GPHN: variants seen among roughly 807,000 people sequenced by gnomAD.
GPHN encodes gephyrin.
Under a neutral mutation model 95.5 loss-of-function variants are expected in GPHN, and 17 were observed. The ratio of observed to expected loss-of-function variants is 0.18; its 90% CI spans 0.12 to 0.27. GPHN has a LOEUF of 0.27. GPHN is among the 10% of genes least tolerant of loss of function. The probability of loss-of-function intolerance (pLI) is 1.00; values close to 1 mark genes in which losing one functional copy is unlikely to be tolerated. For synonymous variants in GPHN, 320 were observed against 322.5 expected (o/e 0.99, Z 0.08); for missense variants, 660 against 978.1 (o/e 0.67, Z 4.34).
chr14:66,852,945 A>G (rs1479388102), intron 4 of GPHN, among the ~76,000 whole-genome samples: 1 of 152,222 alleles, frequency 6.6e-6, no homozygotes, highest in Non-Finnish European at 1.5e-5. Context: ...TAAAAGCTCT[A>G]ATACACATAA....
the GPHN span, among the ~76,000 whole-genome samples, chr14:67,629,941 A>C: frequency 2.6e-5 from 4 of 152,212 alleles, no homozygotes; most frequent in African/African-American, 9.7e-5. Flanking sequence ...AAAAATATAA[A>C]TAGTTTCAAA....
the GPHN span, among the ~76,000 whole-genome samples, chr14:67,575,162 C>T: frequency 2.0e-5 from 3 of 152,002 alleles, no homozygotes; most frequent in East Asian, 1.9e-4. Context: ...CCTGGCTAAT[C>T]GTTTCATGGC....
At chr14:67,650,727 C>T in the GPHN span, 5 of 1,613,914 alleles carry the variant, frequency 3.1e-6, no homozygotes, top group Admixed American at 6.7e-5. Flanking sequence ...TTGCTATCAG[C>T]ACTGGATCTT....
At chr14:67,372,924 A>C in the GPHN span, among the ~76,000 whole-genome samples, 1 of 152,236 alleles carries the variant, frequency 6.6e-6, no homozygotes, top group Non-Finnish European at 1.5e-5. Context: ...CAGAGAAGAT[A>C]ATTGGATAGC....
the GPHN span, among the ~76,000 whole-genome samples, chr14:67,239,579 G>A: frequency 2.0e-5 from 3 of 152,144 alleles, no homozygotes; most frequent in Non-Finnish European, 4.4e-5. Flanking sequence ...TTAGAGGCGG[G>A]GCACGGTTGC....
intron 2 of GPHN, among the ~76,000 whole-genome samples, chr14:66,755,627 A>G (rs1259769732): frequency 1.3e-5 from 2 of 152,126 alleles, no homozygotes; most frequent in African/African-American, 4.8e-5. Flanking sequence ...GTGTGTAGCT[A>G]GAATTATTTA....
the GPHN span, among the ~76,000 whole-genome samples, chr14:67,719,718 T>A: frequency 1.3e-5 from 2 of 152,190 alleles, no homozygotes; most frequent in Middle Eastern, 3.2e-3. Context: ...TCTCACGTGA[T>A]CCTCCTGCCT....
the GPHN span, among the ~76,000 whole-genome samples, chr14:67,682,494 G>A: frequency 3.9e-5 from 6 of 152,036 alleles, no homozygotes; most frequent in South Asian, 2.1e-4. Flanking sequence ...ACCAAAAAGC[G>A]CATGAAAGAA....
chr14:67,316,761 C>G, the GPHN span: 1 of 1,276,768 alleles, frequency 7.8e-7, no homozygotes, highest in African/African-American at 1.6e-5. Flanking sequence ...GTTTTCCCTT[C>G]TTGATTAAAA....
the GPHN span, among the ~76,000 whole-genome samples, chr14:67,214,275 C>T: frequency 6.6e-6 from 1 of 152,120 alleles, no homozygotes; most frequent in Admixed American, 6.6e-5. Flanking sequence ...CCTAGGTTTT[C>T]TTTTAGGGTT....
At chr14:67,568,508 G>A in the GPHN span, among the ~76,000 whole-genome samples, 1 of 152,062 alleles carries the variant, frequency 6.6e-6, no homozygotes, top group Non-Finnish European at 1.5e-5. Flanking sequence ...TAATACCTAG[G>A]TGATGGGTTG....
the GPHN span, among the ~76,000 whole-genome samples, chr14:67,354,207 T>G: frequency 6.6e-6 from 1 of 152,240 alleles, no homozygotes; most frequent in Admixed American, 6.5e-5. Flanking sequence ...AAATGAAAAG[T>G]TTATTAATTT....
At chr14:66,753,671 G>A (rs896346874) in intron 2 of GPHN, among the ~76,000 whole-genome samples, 2 of 151,858 alleles carry the variant, frequency 1.3e-5, no homozygotes, top group East Asian at 1.9e-4. Context: ...GCTAGAAAGG[G>A]AAAAATAAAA....
At chr14:67,475,878 G>C in the GPHN span, among the ~76,000 whole-genome samples, 1 of 152,222 alleles carries the variant, frequency 6.6e-6, no homozygotes, top group Non-Finnish European at 1.5e-5. Flanking sequence ...TTTGAGGTAT[G>C]TGCTCTCATG....
At position 66,681,128 on chromosome 14, in the gene GPHN, A is replaced by G. The variant is rs144247888; in HGVS notation, c.86A>G (p.Asn29Ser). The G allele has an allele frequency of 6.1e-5, 98 of 1,595,550 alleles. No individual in the cohort carries two copies. The highest frequency in any genetic ancestry group is 5.5e-4 in the Middle Eastern group (3 of 5,438). Residue 29 changes from asparagine to serine, a missense_variant, in exon 2 of 23, where the codon AAT becomes AGT. By Grantham distance (46) the Asn-to-Ser change is conservative. This residue lies in a region of GPHN where 92 missense variants were observed against 91.9 expected (regional missense o/e 1.00). Transcript: ENST00000478722. Reference protein sequence around the residue: ...VLTVSDSCFRNLAEDRSGINL... With the variant: ...VLTVSDSCFRSLAEDRSGINL... ...TTAGTGAGTGATAGTTGCTTCAGGAATCTTGCAGAAGACCGCAGTGGGATA... is the reference window on the plus strand; with the variant it reads ...TTAGTGAGTGATAGTTGCTTCAGGAGTCTTGCAGAAGACCGCAGTGGGATA...
intron 2 of GPHN, among the ~76,000 whole-genome samples, chr14:66,688,778 G>A (rs1302971215): frequency 6.6e-6 from 1 of 152,128 alleles, no homozygotes; most frequent in African/African-American, 2.4e-5. Flanking sequence ...CATGGATGAA[G>A]CTGGAAACCA....
intron 1 of GPHN, among the ~76,000 whole-genome samples, chr14:66,535,660 G>A (rs958046407): frequency 1.3e-5 from 2 of 152,102 alleles, no homozygotes; most frequent in Non-Finnish European, 2.9e-5. Flanking sequence ...GGTTTACAAT[G>A]TAGAGGTTTC....
chr14:67,704,375 G>T, the GPHN span, among the ~76,000 whole-genome samples: 1 of 152,248 alleles, frequency 6.6e-6, no homozygotes, highest in South Asian at 2.1e-4. Context: ...TTAGAAGCTT[G>T]TAGGTGTTAT....
At chr14:67,432,846 T>G in the GPHN span, among the ~76,000 whole-genome samples, 1 of 152,038 alleles carries the variant, frequency 6.6e-6, no homozygotes, top group African/African-American at 2.4e-5. Context: ...GGTGGTCGCA[T>G]GTGGTGTTTT....
Sources: gnomAD v4.1 joint callset for allele counts (sites outside exome capture counted in the v4.1 genomes callset) on GRCh38, gnomAD v4.1.1 for gene constraint, gnomAD v4.1.1 regional missense constraint, MANE v1.5 for transcripts, NCBI Gene and HGNC (gene_info 2026-07-23, HGNC 2026-07-21) for gene names.